The following ORC3 variants were observed in gnomAD, a reference collection of about 807,000 sequenced individuals.
ORC3 encodes the protein origin recognition complex subunit 3, also known as homolog of latheo, Drosophila.
ORC3 carries 78 observed loss-of-function variants against 100.7 expected under a neutral mutation model. That is an observed-to-expected ratio of 0.77 (90% CI 0.65 to 0.94). ORC3 has a LOEUF of 0.94. Ranked by LOEUF, ORC3 falls within the 40% of genes least tolerant of loss-of-function variation. The pLI, the probability that ORC3 is intolerant of heterozygous loss-of-function variation, is 0.00. For synonymous variants in ORC3, 295 were observed against 289.3 expected (o/e 1.02, Z -0.20); for missense variants, 789 against 823.9 (o/e 0.96, Z 0.52).
rs1562318407 is a variant in ORC3 at position 87,599,351 on chromosome 6, T to TTAA, written c.80-2432_80-2431insAAT. Among the ~76,000 whole-genome samples, 645 of 136,874 alleles carry TTAA rather than the reference T, an allele frequency of 4.7e-3. 2 individuals are homozygous for TTAA. The highest frequency in any genetic ancestry group is 0.017 in the African/African-American group (601 of 35,632). The allele number at this position is 136,874 out of a possible 152,430, so 89.8% of individuals were successfully genotyped here. ...TTGTTGTTCTGCTTTGTCTCTTTTTTTTATTATTTATTTATTTATTTATTT... is the reference window on the plus strand; with the variant it reads ...TTGTTGTTCTGCTTTGTCTCTTTTTTTAATTATTATTTATTTATTTATTTATTT... On this transcript the variant is annotated intron_variant, in intron 2 of 19. Transcript: ENST00000392844.
chr6:87,621,520 A>G lies in ORC3; in HGVS notation c.1121+33A>G, dbSNP rs1255490927. ...GAGAAGTACATGTTTAACACATACT[A>G]TACTAGAATTTGGTACTAAATAAGA... On this transcript the variant is annotated intron_variant, in intron 10 of 19. Coordinates refer to ENST00000392844, the MANE Select transcript of ORC3 (RefSeq NM_012381.4). 1.2e-5 allele frequency: 18 copies of G among 1,470,648 alleles called. No individual in the cohort carries two copies. In the African/African-American group the frequency reaches 1.6e-4, roughly 13 times the overall value. 91.1% of individuals were successfully genotyped at this position (1,470,648 alleles called of 1,614,324 possible).
intron 1 of ORC3, among the ~76,000 whole-genome samples, chr6:87,592,834 C>G (rs765484255): frequency 5.9e-4 from 89 of 152,122 alleles, no homozygotes; most frequent in Non-Finnish European, 1.1e-3. Flanking sequence ...TGGCTCATGC[C>G]TCTAATCCCA....
At chr6:87,657,690 T>C (rs76373199) in intron 15 of ORC3, among the ~76,000 whole-genome samples, 4,399 of 152,316 alleles carry the variant, frequency 0.029, 214 homozygotes, top group African/African-American at 0.1. Flanking sequence ...TGCCCTTTTC[T>C]TCTTTCCCTA....
At chr6:87,664,210 T>C (rs1428320924) in intron 17 of ORC3, among the ~76,000 whole-genome samples, 1 of 152,086 alleles carries the variant, frequency 6.6e-6, no homozygotes, top group East Asian at 1.9e-4. Context: ...ATGTAAGACT[T>C]TGTGTTTCTC....
intron 9 of ORC3, among the ~76,000 whole-genome samples, chr6:87,618,549 G>A (rs187386051): frequency 4.3e-4 from 66 of 152,314 alleles, no homozygotes; most frequent in Non-Finnish European, 1.5e-4. Flanking sequence ...GAAAACAGAA[G>A]TGTATGCCTA....
Position 87,666,967 on chromosome 6 carries a change from C to T in ORC3, c.2031-51C>T. The T allele has an allele frequency of 3.8e-6, 4 of 1,056,592 alleles. No individual in the cohort carries two copies. In the South Asian group the frequency reaches 4.3e-5, roughly 11 times the overall value. The allele number at this position is 1,056,592 out of a possible 1,614,324, so 65.5% of individuals were successfully genotyped here. ...GTATTTTAACATTGAGATTTTAATC[C>T]CTTTTTGTCAAAAATACAGCACGGC... On this transcript the variant is annotated intron_variant, in intron 19 of 19. Coordinates refer to ENST00000392844, the MANE Select transcript of ORC3 (RefSeq NM_012381.4).
chr6:87,667,115 G>A lies in ORC3; in HGVS notation c.2128G>A (p.Gly710Ser). The change falls in exon 20 of 20, where the codon GGC (glycine) becomes AGC (serine). Residue 710 changes from glycine (G) to serine (S), a missense_variant. This residue lies in a region of ORC3 where 366 missense variants were observed against 394.2 expected (regional missense o/e 0.93). Coordinates refer to ENST00000392844, the MANE Select transcript of ORC3 (RefSeq NM_012381.4). ...CCATGTGGCAAGACTAACATGGGGA[G>A]GCTGCTAGAAAGCAAATAAGCAAAG... ...TDHVARLTWG[G>S]C is the part of the protein sequence containing the mutation. 1.3e-6 allele frequency: 2 copies of A among 1,594,490 alleles called. No homozygotes were observed. Among genetic ancestry groups the A allele is most frequent in the Non-Finnish European group, 1.7e-6 (2 of 1,167,300 alleles).
intron 15 of ORC3, among the ~76,000 whole-genome samples, chr6:87,657,229 G>C (rs1005544582): frequency 3.0e-4 from 45 of 152,286 alleles, no homozygotes; most frequent in African/African-American, 1.1e-3. Flanking sequence ...GGCTCAGCAA[G>C]AGAAAGAGAA....
At chr6:87,637,605 T>C (rs1195489574) in intron 13 of ORC3, among the ~76,000 whole-genome samples, 1 of 152,242 alleles carries the variant, frequency 6.6e-6, no homozygotes, top group African/African-American at 2.4e-5. Context: ...ACCCAGTTGA[T>C]TCTTTCAGGT....
At chr6:87,609,712 TG>T (rs748692530) in intron 7 of ORC3, among the ~76,000 whole-genome samples, 6 of 151,930 alleles carry the variant, frequency 3.9e-5, no homozygotes, top group Non-Finnish European at 5.9e-5. Flanking sequence ...CCACCACACC[TG>T]GCTAATTTTT....
intron 19 of ORC3, 129 bp downstream of exon 19, chr6:87,665,962 C>T (rs1245130895): frequency 9.2e-6 from 5 of 542,414 alleles, no homozygotes; most frequent in Non-Finnish European, 1.6e-5. Context: ...TAATATTAAC[C>T]ATATGGTGCT....
At chr6:87,656,139 C>T (rs1477840551) in intron 14 of ORC3, among the ~76,000 whole-genome samples, 1 of 152,180 alleles carries the variant, frequency 6.6e-6, no homozygotes, top group Non-Finnish European at 1.5e-5. Context: ...TGCTAAAGAA[C>T]CATGATGCAC....
At chr6:87,625,249 T>C (rs1340480297) in intron 11 of ORC3, among the ~76,000 whole-genome samples, 2 of 152,242 alleles carry the variant, frequency 1.3e-5, no homozygotes, top group Admixed American at 6.5e-5. Context: ...TTTCTTGTTC[T>C]AGATCCTTGA....
chr6:87,605,782 A>C (rs942643985), intron 4 of ORC3, 135 bp from the exon 5 acceptor site: 7 of 556,424 alleles, frequency 1.3e-5, no homozygotes, highest in Non-Finnish European at 2.3e-5. Context: ...TCATTTATAT[A>C]GTATATTTCC....
At chr6:87,614,957 A>G (rs1779054671) in intron 8 of ORC3, among the ~76,000 whole-genome samples, 1 of 152,162 alleles carries the variant, frequency 6.6e-6, no homozygotes, top group South Asian at 2.1e-4. Flanking sequence ...ATTTTTGGGT[A>G]TCTTTTCAGC....
intron 7 of ORC3, among the ~76,000 whole-genome samples, chr6:87,611,199 C>T (rs1275516799): frequency 6.6e-6 from 1 of 151,768 alleles, no homozygotes; most frequent in Non-Finnish European, 1.5e-5. Flanking sequence ...AGTCTCCCAA[C>T]GTGCTGGGAT....
intron 7 of ORC3, chr6:87,609,462 G>T (rs1299905226): frequency 2.6e-5 from 9 of 339,636 alleles, no homozygotes; most frequent in Non-Finnish European, 4.2e-5. Flanking sequence ...TGGTAAGATA[G>T]TATTAAATAT....
At chr6:87,604,761 A>G (rs1778209313) in intron 4 of ORC3, among the ~76,000 whole-genome samples, 1 of 152,180 alleles carries the variant, frequency 6.6e-6, no homozygotes, top group Non-Finnish European at 1.5e-5. Flanking sequence ...ATAGACCATA[A>G]TGCATGCTAG....
chr6:87,593,048 G>A (rs1260325083), intron 1 of ORC3, among the ~76,000 whole-genome samples: 3 of 152,040 alleles, frequency 2.0e-5, no homozygotes, highest in Non-Finnish European at 2.9e-5. Flanking sequence ...AGCCAGGATC[G>A]CACCATTGCA....
Sources: allele counts gnomAD v4.1 joint callset (sites outside exome capture counted in the v4.1 genomes callset), GRCh38; gene constraint gnomAD v4.1.1; regional missense constraint gnomAD v4.1.1; transcripts MANE v1.5; gene names NCBI Gene and HGNC (gene_info 2026-07-23, HGNC 2026-07-21).